The following SRF variants were observed in gnomAD, a reference collection of about 807,000 sequenced individuals.
SRF encodes the protein serum response factor.
A neutral mutation model predicts 37.1 loss-of-function variants in SRF; 7 were observed. The ratio of observed to expected loss-of-function variants is 0.19; its 90% confidence interval spans 0.11 to 0.35. The LOEUF (loss-of-function observed/expected upper bound fraction) is 0.35. Among genes scored for constraint, SRF ranks in the 10% least tolerant of loss-of-function variants. The probability of loss-of-function intolerance (pLI) is 1.00; values close to 1 mark genes in which losing one functional copy is unlikely to be tolerated. For missense variants in SRF, 395 were observed against 694.4 expected (o/e 0.57, Z 4.85); for synonymous variants, 285 against 310.1 (o/e 0.92, Z 0.85).
At position 43,176,429 on chromosome 6, in the gene SRF, A is replaced by G; in HGVS notation, c.1043-119A>G. ...GAAGGGCCTCTTTGGCTTCCAGGAA[A>G]GATAGTGATGGGAGTTGGAGACCAG... is the stretch of plus-strand genomic sequence containing the variant. On this transcript the variant is annotated intron_variant, in intron 3 of 6. Transcript: ENST00000265354. This position sits in a 1 kb window ranked among gnomAD's most constrained non-coding sequence, Gnocchi z 4.0. 6.7e-7 allele frequency: 1 copy of G among 1,489,044 alleles called. No homozygotes were observed. The highest frequency in any genetic ancestry group is 9.1e-7 in the Non-Finnish European group (1 of 1,094,662). The allele number at this position is 1,489,044 out of a possible 1,614,324, so 92.2% of individuals were successfully genotyped here. A position where few individuals can be genotyped will look rare whatever the true frequency, so the allele number is the denominator to read the frequency against.
Position 43,172,517 on chromosome 6 carries a change from T to C in SRF, c.513+348T>C, listed in dbSNP as rs1289457291. 3.1e-6 allele frequency: 3 copies of C among 956,370 alleles called. No homozygotes were observed. The highest frequency in any genetic ancestry group is 6.2e-5 in the Admixed American group (1 of 16,236). The allele number at this position is 956,370 out of a possible 1,614,324, so 59.2% of individuals were successfully genotyped here. A position where few individuals can be genotyped will look rare whatever the true frequency, so the allele number is the denominator to read the frequency against. ...GTGGATAATGAGAACCCGGGATCAG[T>C]AGGTCCAGTGCACTCCGGTGTTCGG... On this transcript the variant is annotated intron_variant, in intron 1 of 6. Transcript: ENST00000265354. This position sits in a 1 kb window ranked among gnomAD's most constrained non-coding sequence, Gnocchi z 5.7.
At position 43,175,946 on chromosome 6, in the gene SRF, A is replaced by G. The variant is rs866274117; in HGVS notation, c.1021A>G (p.Thr341Ala). 1.1e-5 allele frequency: 18 copies of G among 1,613,386 alleles called. No individual in the cohort carries two copies. In the Middle Eastern group the frequency reaches 2.3e-3, roughly 207 times the overall value. Residue 341 changes from threonine (T) to alanine (A), a missense_variant, in exon 3 of 7, where the codon ACC (threonine) becomes GCC (alanine). By Grantham distance (58) the Thr-to-Ala change is moderately conservative. Coordinates refer to ENST00000265354, the MANE Select transcript of SRF (RefSeq NM_003131.4). Reference sequence around the variant, plus strand: ...CTCTGGGGGCCTTATGCAGCTGCCTACCAGCTTCACCCTCATGCCTGGTGA... The same window carrying G: ...CTCTGGGGGCCTTATGCAGCTGCCTGCCAGCTTCACCCTCATGCCTGGTGA... The part of the protein sequence containing the change: ...VSSGGLMQLP[T>A]SFTLMPGGAV...
In SRF at chr6:43,178,324, C is replaced by A; in HGVS notation, c.1193C>A (p.Ser398Tyr). Reference sequence around the variant, plus strand: ...CTGCCCGCCACCATCATGACGTCATCCGTGCCCACAACTGTGGGTGGCCAC... The same window carrying A: ...CTGCCCGCCACCATCATGACGTCATACGTGCCCACAACTGTGGGTGGCCAC... ...VTLPATIMTS[S>Y]VPTTVGGHMM... Residue 398 changes from serine (S) to tyrosine (Y), a missense_variant, in exon 5 of 7, where the codon TCC becomes TAC. This residue lies in a region of SRF where 232 missense variants were observed against 335.6 expected (regional missense o/e 0.69). Coordinates refer to ENST00000265354, the MANE Select transcript of SRF (RefSeq NM_003131.4). This position sits in a 1 kb window ranked among gnomAD's most constrained non-coding sequence, Gnocchi z 4.3. The A allele has an allele frequency of 6.2e-7, 1 of 1,608,048 alleles. No homozygotes were observed. Among genetic ancestry groups the A allele is most frequent in the Non-Finnish European group, 8.5e-7 (1 of 1,175,852 alleles).
In SRF at chr6:43,172,019, C is replaced by G; in HGVS notation, c.363C>G (p.Thr121=). Residue 121 remains threonine, a synonymous_variant, in exon 1 of 7, where the codon ACC becomes ACG. Coordinates refer to ENST00000265354, the MANE Select transcript of SRF (RefSeq NM_003131.4). The surrounding 1 kb of genome is among the most constrained non-coding windows in gnomAD (Gnocchi z 5.7). ...GGCCCGAGGCGTCGGCAGCGGCCAC[C>G]GGGGGCTACGGGCCGGTGAGCGGCG... ...VGGPEASAAA[T]GGYGPVSGAV... is the part of the protein sequence containing the mutation. The G allele has an allele frequency of 6.3e-7, 1 of 1,588,772 alleles. No homozygotes were observed. The highest frequency in any genetic ancestry group is 1.8e-5 in the Admixed American group (1 of 55,274).
chr6:43,174,245 G>A (rs1772157403), intron 2 of SRF, 132 bp downstream of exon 2: 1 of 1,207,300 alleles, frequency 8.3e-7, no homozygotes, highest in African/African-American at 1.5e-5. Flanking sequence ...CTAGGGGACA[G>A]GTGTCCATCC....
Position 43,178,581 on chromosome 6 carries a change from A to G in SRF, c.1354+96A>G. On this transcript the variant is annotated intron_variant, in intron 5 of 6. Transcript: ENST00000265354. The surrounding 1 kb of genome is among the most constrained non-coding windows in gnomAD (Gnocchi z 4.3). ...CACACACATATGCACTGATGCCTACAAATATTTCTACCCAAATACAACACA... is the reference window on the plus strand; with the variant it reads ...CACACACATATGCACTGATGCCTACGAATATTTCTACCCAAATACAACACA... 6.9e-7 allele frequency: 1 copy of G among 1,446,140 alleles called. No homozygotes were observed. The highest frequency in any genetic ancestry group is 1.3e-5 in the South Asian group (1 of 78,896). 89.6% of individuals were successfully genotyped at this position (1,446,140 alleles called of 1,614,324 possible). A position where few individuals can be genotyped will look rare whatever the true frequency, so the allele number is the denominator to read the frequency against.
chr6:43,175,464 A>G (rs1490485626), intron 2 of SRF, among the ~76,000 whole-genome samples: 2 of 152,208 alleles, frequency 1.3e-5, no homozygotes, highest in East Asian at 1.9e-4. Flanking sequence ...AGTGATTTAC[A>G]TATGCTAACC....
In SRF at chr6:43,176,134, C is replaced by T. The variant is rs1457565435; in HGVS notation, c.1042+167C>T. On this transcript the variant is annotated intron_variant, in intron 3 of 6. Coordinates refer to ENST00000265354, the MANE Select transcript of SRF (RefSeq NM_003131.4). This position sits in a 1 kb window ranked among gnomAD's most constrained non-coding sequence, Gnocchi z 4.0. Reference sequence around the variant, plus strand: ...TCTTATATCCCGTTGGCAGGCATACCTCTGCCCACTGAGACCCCTGCTGTC... The same window carrying T: ...TCTTATATCCCGTTGGCAGGCATACTTCTGCCCACTGAGACCCCTGCTGTC... Among the ~76,000 whole-genome samples the T allele has an allele frequency of 3.3e-5, 5 of 152,200 alleles. No individual in the cohort carries two copies. The highest frequency in any genetic ancestry group is 2.6e-4 in the Admixed American group (4 of 15,282).
chr6:43,179,037 G>A lies in SRF; in HGVS notation c.1432-58G>A. 2 of 1,598,764 alleles carry A rather than the reference G, an allele frequency of 1.3e-6. No individual in the cohort carries two copies. The highest frequency in any genetic ancestry group is 1.7e-5 in the Admixed American group (1 of 59,720). ...TGTGGTTGGCAGGCAGGGAAGCCAGGGGAGCCTGAACTGGCTGGCCAGTCC... is the reference window on the plus strand; with the variant it reads ...TGTGGTTGGCAGGCAGGGAAGCCAGAGGAGCCTGAACTGGCTGGCCAGTCC... On this transcript the variant is annotated intron_variant, in intron 6 of 6. Transcript: ENST00000265354. This position sits in a 1 kb window ranked among gnomAD's most constrained non-coding sequence, Gnocchi z 5.3.
chr6:43,171,810 G>T lies in SRF; in HGVS notation c.154G>T (p.Gly52Trp). 2 of 1,228,370 alleles carry T rather than the reference G, an allele frequency of 1.6e-6. No individual in the cohort carries two copies. 76.1% of individuals were successfully genotyped at this position (1,228,370 alleles called of 1,614,324 possible). A position where few individuals can be genotyped will look rare whatever the true frequency, so the allele number is the denominator to read the frequency against. The change falls in exon 1 of 7, where the codon GGG becomes TGG. Residue 52 changes from glycine to tryptophan, a missense_variant. Coordinates refer to ENST00000265354, the MANE Select transcript of SRF (RefSeq NM_003131.4). This position sits in a 1 kb window ranked among gnomAD's most constrained non-coding sequence, Gnocchi z 6.5. ...GRVPGNGAGL[G>W]PGRLEREAAA... ...GGTCCCCGGGAATGGCGCGGGGCTCGGGCCCGGCCGCCTGGAGCGGGAGGC... is the reference window on the plus strand; with the variant it reads ...GGTCCCCGGGAATGGCGCGGGGCTCTGGCCCGGCCGCCTGGAGCGGGAGGC...
Position 43,171,906 on chromosome 6 carries a change from G to A in SRF, c.250G>A (p.Glu84Lys). 1 of 1,423,354 alleles carries A rather than the reference G, an allele frequency of 7.0e-7. No homozygotes were observed. The highest frequency in any genetic ancestry group is 9.2e-7 in the Non-Finnish European group (1 of 1,091,758). The allele number at this position is 1,423,354 out of a possible 1,614,324, so 88.2% of individuals were successfully genotyped here. Reference protein sequence around the residue: ...ALYSGSEGDSESGEEEELGAE... With the variant: ...ALYSGSEGDSKSGEEEELGAE... Reference sequence around the variant, plus strand: ...CTACAGCGGCAGCGAGGGCGACTCGGAGTCGGGCGAGGAGGAGGAGCTGGG... The same window carrying A: ...CTACAGCGGCAGCGAGGGCGACTCGAAGTCGGGCGAGGAGGAGGAGCTGGG... The change falls in exon 1 of 7, where the codon GAG (glutamate) becomes AAG (lysine). Residue 84 changes from glutamate (E) to lysine (K), a missense_variant. By Grantham distance (56) the Glu-to-Lys change is moderately conservative. Transcript: ENST00000265354. This position sits in a 1 kb window ranked among gnomAD's most constrained non-coding sequence, Gnocchi z 6.5.
rs745973752 is a variant in SRF, at chr6:43,174,025, C to T, written c.692C>T (p.Thr231Ile). Residue 231 changes from threonine to isoleucine, a missense_variant, in exon 2 of 7, where the codon ACA (threonine) becomes ATA (isoleucine). Physicochemically the swap from Thr to Ile is moderately conservative, Grantham distance 89. Transcript: ENST00000265354. ...SPDSPPRSDP[T>I]TDQRMSATGF... is the part of the protein sequence containing the mutation. ...GACTCTCCACCCCGTTCAGACCCCA[C>T]AACAGACCAGAGAATGAGTGCCACT... 6.2e-7 allele frequency: 1 copy of T among 1,614,220 alleles called. No homozygotes were observed. The highest frequency in any genetic ancestry group is 1.1e-5 in the South Asian group (1 of 91,092).
rs1390386062 is a variant in SRF, at chr6:43,180,472, A to G, written c.*1282A>G. 3 of 152,710 alleles carry G rather than the reference A, an allele frequency of 2.0e-5. No homozygotes were observed. Among genetic ancestry groups the G allele is most frequent in the Non-Finnish European group, 2.9e-5 (2 of 68,064 alleles). The allele number at this position is 152,710 out of a possible 1,614,324, so 9.5% of individuals were successfully genotyped here. A position where few individuals can be genotyped will look rare whatever the true frequency, so the allele number is the denominator to read the frequency against. On this transcript the variant is annotated 3_prime_UTR_variant, in exon 7 of 7. Coordinates refer to ENST00000265354, the MANE Select transcript of SRF (RefSeq NM_003131.4). Reference sequence around the variant, plus strand: ...GGCTGAGTGCAGCCAAAGGGGAGCCAGAAATGGGCAGTTCTCCCAGGGAGT... The same window carrying G: ...GGCTGAGTGCAGCCAAAGGGGAGCCGGAAATGGGCAGTTCTCCCAGGGAGT...
Position 43,172,180 on chromosome 6 carries a change from G to A in SRF, c.513+11G>A. The A allele has an allele frequency of 6.2e-7, 1 of 1,606,258 alleles. No individual in the cohort carries two copies. The highest frequency in any genetic ancestry group is 2.2e-5 in the East Asian group (1 of 44,650). ...GGCATCATGAAGAAGGTACCAAGCC[G>A]GGGGGCTGGCCGGCCCCGGGGCCCG... On this transcript the variant is annotated intron_variant, in intron 1 of 6. Transcript: ENST00000265354. The surrounding 1 kb of genome is among the most constrained non-coding windows in gnomAD (Gnocchi z 5.7).
chr6:43,178,742 ACTC>A lies in SRF; in HGVS notation c.1355-59_1355-57del. 6.5e-7 allele frequency: 1 copy of A among 1,546,066 alleles called. No individual in the cohort carries two copies. Among genetic ancestry groups the A allele is most frequent in the Non-Finnish European group, 8.9e-7 (1 of 1,119,596 alleles). On this transcript the variant is annotated intron_variant, in intron 5 of 6. Transcript: ENST00000265354. The surrounding 1 kb of genome is among the most constrained non-coding windows in gnomAD (Gnocchi z 4.3). ...CCCAGTCACTTGTGCATTTGACACC[ACTC>A]CTCCAATATCTGGAAGTTTCAACAA...
intron 4 of SRF, among the ~76,000 whole-genome samples, chr6:43,177,743 A>G (rs1031999063): frequency 5.7e-4 from 87 of 151,520 alleles, no homozygotes; most frequent in African/African-American, 1.8e-3. Context: ...GTGAAACTCC[A>G]TCTCTACTAA....
rs937586024 is a variant in SRF at position 43,172,481 on chromosome 6, C to G, written c.513+312C>G. On this transcript the variant is annotated intron_variant, in intron 1 of 6. Transcript: ENST00000265354. This position sits in a 1 kb window ranked among gnomAD's most constrained non-coding sequence, Gnocchi z 5.7. ...GGAGCGGTGATGGGAGGCTACGAGG[C>G]TGCCGGGGAGGTGGATAATGAGAAC... 3 of 984,638 alleles carry G rather than the reference C, an allele frequency of 3.0e-6. No homozygotes were observed. The African/African-American group carries it at 5.2e-5, about 17-fold the overall frequency. 61.0% of individuals were successfully genotyped at this position (984,638 alleles called of 1,614,324 possible).
rs1363678517 is a variant in SRF, at chr6:43,173,572, C to T, written c.514-275C>T. ...TTGGGGAGCAGCTAGCTGGGTCCTT[C>T]GTATCCCCTGAAGTTATATGTTCCA... On this transcript the variant is annotated intron_variant, in intron 1 of 6. Transcript: ENST00000265354. This position sits in a 1 kb window ranked among gnomAD's most constrained non-coding sequence, Gnocchi z 4.2. 6.6e-6 allele frequency among the ~76,000 whole-genome samples: 1 copy of T among 152,102 alleles called. No individual in the cohort carries two copies. Among genetic ancestry groups the T allele is most frequent in the Non-Finnish European group, 1.5e-5 (1 of 68,008 alleles).
Position 43,176,710 on chromosome 6 carries a change from C to G in SRF, c.1162+43C>G. 2 of 1,600,586 alleles carry G rather than the reference C, an allele frequency of 1.2e-6. No homozygotes were observed. Among genetic ancestry groups the G allele is most frequent in the Non-Finnish European group, 1.7e-6 (2 of 1,170,708 alleles). ...GTCACCCTCCCTCCCTGCCTTCCCC[C>G]ACGAGGCCTAGCAGTAGGTGCCCAA... is the stretch of plus-strand genomic sequence containing the variant. On this transcript the variant is annotated intron_variant, in intron 4 of 6. Transcript: ENST00000265354. The surrounding 1 kb of genome is among the most constrained non-coding windows in gnomAD (Gnocchi z 4.0).
Sources: allele counts gnomAD v4.1 joint callset (sites outside exome capture counted in the v4.1 genomes callset), GRCh38; gene constraint gnomAD v4.1.1; regional missense constraint gnomAD v4.1.1; non-coding constraint Gnocchi (gnomAD v3.1); transcripts MANE v1.5; gene names NCBI Gene and HGNC (gene_info 2026-07-23, HGNC 2026-07-21).